The following PTPRD variants were observed in gnomAD, a reference collection of about 807,000 sequenced individuals.
PTPRD encodes the protein receptor-type tyrosine-protein phosphatase delta.
Under a neutral mutation model 214.5 loss-of-function variants are expected in PTPRD, and 34 were observed. The ratio of observed to expected loss-of-function variants is 0.16; its 90% CI spans 0.12 to 0.21. PTPRD has a LOEUF of 0.21. Ranked by LOEUF, PTPRD falls within the 10% of genes least tolerant of loss-of-function variation. The probability of loss-of-function intolerance (pLI) is 1.00; values close to 1 mark genes in which losing one functional copy is unlikely to be tolerated. For missense variants in PTPRD, 2,545 were observed against 2,398.7 expected (o/e 1.06, Z -1.27); for synonymous variants, 1,128 against 845.7 (o/e 1.33, Z -5.79).
chr9:9,188,808 TTGTGTGTG>T (rs5896310), intron 9 of PTPRD, among the ~76,000 whole-genome samples: 4,156 of 148,338 alleles, frequency 0.028, 160 homozygotes, highest in African/African-American at 0.084. Context: ...GCAAAATAAA[TTGTGTGTG>T]TGTGTGTGTG....
chr9:9,306,513 G>T (rs539888006), intron 9 of PTPRD, among the ~76,000 whole-genome samples: 1 of 127,558 alleles, frequency 7.8e-6, no homozygotes. Context: ...GCAGTGAACC[G>T]AGATCACACC....
intron 2 of PTPRD, among the ~76,000 whole-genome samples, chr9:10,392,702 T>C (rs2098092284): frequency 6.6e-6 from 1 of 151,832 alleles, no homozygotes; most frequent in Non-Finnish European, 1.5e-5. Context: ...TGCCAGAATA[T>C]TATGTCTTAT....
chr9:9,280,358 A>C (rs567473133), intron 9 of PTPRD, among the ~76,000 whole-genome samples: 5 of 151,458 alleles, frequency 3.3e-5, no homozygotes, highest in South Asian at 4.1e-4. Flanking sequence ...TGAATAACTA[A>C]AAATGATAAT....
At chr9:9,312,361 T>C (rs1959241142) in intron 9 of PTPRD, among the ~76,000 whole-genome samples, 1 of 152,204 alleles carries the variant, frequency 6.6e-6, no homozygotes, top group Admixed American at 6.5e-5. Flanking sequence ...TTAAAAGTTG[T>C]TTAGTCAACA....
chr9:8,488,626 T>G lies in PTPRD; in HGVS notation c.2468-2277A>C, dbSNP rs868047115. On this transcript the variant is annotated intron_variant, in intron 27 of 45. Transcript: ENST00000381196. ...ACCCATCCATAAGTTGGAAACTGTG[T>G]GAACTATTCCACTTGCTTTTAATAT... 5.9e-5 allele frequency among the ~76,000 whole-genome samples: 9 copies of G among 152,346 alleles called. No homozygotes were observed. In the South Asian group the frequency reaches 1.9e-3, roughly 32 times the overall value.
chr9:10,395,954 TGAGAGA>T (rs368100918), intron 2 of PTPRD, among the ~76,000 whole-genome samples: 8 of 134,372 alleles, frequency 6.0e-5, no homozygotes, highest in East Asian at 4.5e-4. Context: ...ATAGAGAGAA[TGAGAGA>T]GAGAGAGAGA....
chr9:10,593,234 T>A (rs1439158197), intron 2 of PTPRD, among the ~76,000 whole-genome samples: 1 of 152,004 alleles, frequency 6.6e-6, no homozygotes, highest in Non-Finnish European at 1.5e-5. Context: ...ATAATGGCGA[T>A]AATTCAAACA....
chr9:9,599,286 G>A (rs1333268641), intron 7 of PTPRD, among the ~76,000 whole-genome samples: 1 of 152,156 alleles, frequency 6.6e-6, no homozygotes, highest in Middle Eastern at 3.4e-3. Flanking sequence ...AGGAATATAG[G>A]GAGACTCAGC....
intron 8 of PTPRD, among the ~76,000 whole-genome samples, chr9:9,439,135 T>G (rs2086498479): frequency 6.6e-6 from 1 of 152,104 alleles, no homozygotes; most frequent in Admixed American, 6.6e-5. Flanking sequence ...TATATATGGC[T>G]TATATGACTC....
At chr9:8,437,231 C>A (rs2095388432) in intron 34 of PTPRD, 2 of 1,522,326 alleles carry the variant, frequency 1.3e-6, no homozygotes, top group Non-Finnish European at 1.8e-6. Flanking sequence ...TAACCGGAAT[C>A]ATCTGAACCT....
chr9:10,166,140 T>C, intron 3 of PTPRD, among the ~76,000 whole-genome samples: 1 of 150,698 alleles, frequency 6.6e-6, no homozygotes, highest in Non-Finnish European at 1.5e-5. Flanking sequence ...AACCTATGTT[T>C]TAAAATACGT....
intron 9 of PTPRD, among the ~76,000 whole-genome samples, chr9:9,303,224 A>T (rs1956069977): frequency 2.0e-5 from 3 of 151,980 alleles, no homozygotes; most frequent in Admixed American, 2.0e-4. Flanking sequence ...CTATTTTTAT[A>T]CATCAATAAA....
intron 37 of PTPRD, among the ~76,000 whole-genome samples, chr9:8,387,304 T>A (rs2087487856): frequency 6.6e-6 from 1 of 152,148 alleles, no homozygotes; most frequent in Non-Finnish European, 1.5e-5. Flanking sequence ...CACAATGCCT[T>A]CCGCCAAGAA....
intron 9 of PTPRD, among the ~76,000 whole-genome samples, chr9:9,213,993 T>A (rs1374607920): frequency 7.9e-5 from 12 of 152,178 alleles, no homozygotes; most frequent in Non-Finnish European, 1.6e-4. Context: ...ATAATAAGAA[T>A]GATAGCAAAT....
At chr9:9,627,471 G>T (rs1321687594) in intron 7 of PTPRD, among the ~76,000 whole-genome samples, 2 of 152,118 alleles carry the variant, frequency 1.3e-5, no homozygotes, top group African/African-American at 4.8e-5. Context: ...CTACTTGATG[G>T]GATTTTTCTC....
intron 7 of PTPRD, among the ~76,000 whole-genome samples, chr9:9,625,070 G>A (rs996900426): frequency 6.6e-6 from 1 of 152,200 alleles, no homozygotes; most frequent in African/African-American, 2.4e-5. Context: ...TGACTTGAAA[G>A]CCTAGACAGG....
intron 8 of PTPRD, among the ~76,000 whole-genome samples, chr9:9,500,058 T>C (rs1365057110): frequency 6.6e-6 from 1 of 152,130 alleles, no homozygotes; most frequent in Non-Finnish European, 1.5e-5. Flanking sequence ...GCAGAAGTAT[T>C]CTTTGAATGG....
At chr9:10,061,910 G>A (rs549180902) in intron 3 of PTPRD, among the ~76,000 whole-genome samples, 5 of 152,076 alleles carry the variant, frequency 3.3e-5, no homozygotes, top group Non-Finnish European at 5.9e-5. Context: ...TAGAAATGCA[G>A]CAAATTATTA....
intron 9 of PTPRD, among the ~76,000 whole-genome samples, chr9:9,221,407 G>T (rs1214916792): frequency 6.6e-6 from 1 of 152,048 alleles, no homozygotes; most frequent in Admixed American, 6.6e-5. Context: ...ATCTGTATTA[G>T]TTGGCTTGGG....
Sources: allele counts gnomAD v4.1 joint callset (sites outside exome capture counted in the v4.1 genomes callset), GRCh38; gene constraint gnomAD v4.1.1; transcripts MANE v1.5; gene names NCBI Gene and HGNC (gene_info 2026-07-23, HGNC 2026-07-21).